Variants in NDUFV3 observed in about 807,000 individuals in gnomAD.
NDUFV3 encodes NADH dehydrogenase [ubiquinone] flavoprotein 3, mitochondrial.
NDUFV3 carries 44 observed loss-of-function variants against 37.5 expected under a neutral mutation model. That is an observed-to-expected ratio of 1.17 (90% CI 0.92 to 1.51). The LOEUF is 1.51. Ranked by LOEUF, NDUFV3 falls within the 40% of genes most tolerant of loss-of-function variation. The pLI is 0.00. For missense variants in NDUFV3, 580 were observed against 580.4 expected, an observed-to-expected ratio of 1.00 and a Z score of 0.01; for synonymous variants, 235 against 239.3, an observed-to-expected ratio of 0.98 and a Z score of 0.17.
chr21:42,893,778 A>G lies in NDUFV3; in HGVS notation c.48+397A>G, dbSNP rs149503165. ...TTCTCTGAAGGACAGTGACTTCTCCATTTAGCCAAGAGAGGAAATGAGGGA... is the reference window on the plus strand; with the variant it reads ...TTCTCTGAAGGACAGTGACTTCTCCGTTTAGCCAAGAGAGGAAATGAGGGA... On this transcript the variant is annotated intron_variant, in intron 1 of 3. Coordinates refer to ENST00000354250, the MANE Select transcript of NDUFV3 (RefSeq NM_021075.4). Among the ~76,000 whole-genome samples, 463 of 152,374 alleles carry G rather than the reference A, an allele frequency of 3.0e-3. 7 individuals are homozygous for G. The highest frequency in any genetic ancestry group is 0.02 in the Middle Eastern group (6 of 294).
chr21:42,894,510 T>TTATATA (rs1568854374), intron 1 of NDUFV3, among the ~76,000 whole-genome samples: 2 of 63,872 alleles, frequency 3.1e-5, no homozygotes, highest in South Asian at 6.0e-4. Context: ...ATAATATATA[T>TTATATA]TTATATATTA....
rs2058759595 is a variant in NDUFV3 at position 42,909,477 on chromosome 21, A to C, written c.*456A>C. On this transcript the variant is annotated 3_prime_UTR_variant, in exon 4 of 4. Coordinates refer to ENST00000354250, the MANE Select transcript of NDUFV3 (RefSeq NM_021075.4). ...TTTTTACAGTGAGTGGTGAATTAGC[A>C]ACAGTAACACTGATTATCCAACATA... 8.2e-6 allele frequency: 2 copies of C among 242,962 alleles called. No homozygotes were observed. The highest frequency in any genetic ancestry group is 1.0e-4 in the Admixed American group (2 of 19,360). The allele number at this position is 242,962 out of a possible 1,614,324, so 15.1% of individuals were successfully genotyped here.
rs756027987 is a variant in NDUFV3, at chr21:42,897,033, A to G, written c.155A>G (p.Gln52Arg). 10 of 1,614,002 alleles carry G rather than the reference A, an allele frequency of 6.2e-6. No individual in the cohort carries two copies. The South Asian group carries it at 7.7e-5, about 12-fold the overall frequency. The part of the protein sequence containing the change: ...EKGQPQNSKK[Q>R]SPPKNVVEPK... ...GGTCAGCCACAGAATTCCAAGAAGC[A>G]AAGTCCACCAAAAAGTAAGATTTTG... Residue 52 changes from glutamine (Q) to arginine (R), a missense_variant, in exon 2 of 4, where the codon CAA (glutamine) becomes CGA (arginine). Physicochemically the swap from Gln to Arg is conservative, Grantham distance 43. Transcript: ENST00000354250.
chr21:42,905,423 C>G (rs1184064322), intron 3 of NDUFV3, among the ~76,000 whole-genome samples: 1 of 152,222 alleles, frequency 6.6e-6, no homozygotes, highest in South Asian at 2.1e-4. Flanking sequence ...ATCCTTTCCC[C>G]TGGACAGCGT....
intron 3 of NDUFV3, among the ~76,000 whole-genome samples, chr21:42,908,048 T>C (rs546842533): frequency 5.8e-4 from 89 of 152,166 alleles, no homozygotes; most frequent in African/African-American, 1.9e-3. Flanking sequence ...GGCTCACGCC[T>C]GTAATCCCAG....
intron 3 of NDUFV3, among the ~76,000 whole-genome samples, chr21:42,905,232 T>C (rs2058736128): frequency 6.6e-6 from 1 of 152,214 alleles, no homozygotes; most frequent in African/African-American, 2.4e-5. Context: ...GTGGGGCATC[T>C]CGCTAAGTGA....
chr21:42,900,105 G>A (rs1011078794), intron 2 of NDUFV3, among the ~76,000 whole-genome samples: 13 of 151,126 alleles, frequency 8.6e-5, no homozygotes, highest in East Asian at 3.9e-4. Flanking sequence ...AGGCTGAGAC[G>A]AGAGGATCAT....
At position 42,909,035 on chromosome 21, in the gene NDUFV3, G is replaced by A. The variant is rs749834159; in HGVS notation, c.*14G>A. On this transcript the variant is annotated 3_prime_UTR_variant, in exon 4 of 4. Transcript: ENST00000354250. ...CCTCGACACTGAGGGCCCTCGGTGTGAAGATGAACCTTCCACCGTCTTCAC... is the reference window on the plus strand; with the variant it reads ...CCTCGACACTGAGGGCCCTCGGTGTAAAGATGAACCTTCCACCGTCTTCAC... 3.1e-6 allele frequency: 5 copies of A among 1,610,858 alleles called. No homozygotes were observed. The South Asian group carries it at 4.4e-5, about 14-fold the overall frequency.
chr21:42,908,767 G>GTC (rs1211336334), intron 3 of NDUFV3, 97 bp from the exon 4 acceptor site: 1 of 1,436,330 alleles, frequency 7.0e-7, no homozygotes, highest in Admixed American at 1.7e-5. Context: ...TAGGGATGAT[G>GTC]AAGAATGCTT....
Position 42,904,115 on chromosome 21 carries a change from A to G in NDUFV3, c.1103A>G (p.Gln368Arg). 1 of 1,614,250 alleles carries G rather than the reference A, an allele frequency of 6.2e-7. No homozygotes were observed. The highest frequency in any genetic ancestry group is 8.5e-7 in the Non-Finnish European group (1 of 1,180,038). ...QGIEGHLKGG[Q>R]AIVEDQIPPS... is the part of the protein sequence containing the mutation. ...ATAGAAGGCCACCTGAAGGGTGGAC[A>G]GGCAATCGTGGAAGATCAGATACCA... Residue 368 changes from glutamine to arginine, a missense_variant, in exon 3 of 4, where the codon CAG becomes CGG. Coordinates refer to ENST00000354250, the MANE Select transcript of NDUFV3 (RefSeq NM_021075.4).
In NDUFV3 at chr21:42,903,727, G is replaced by A. The variant is rs2058728767; in HGVS notation, c.715G>A (p.Gly239Ser). ...AGGGTCCCCTGCTAAGCCATCAGAAGGCAGGGAAAATGCGAGACCAAAAAC... is the reference window on the plus strand; with the variant it reads ...AGGGTCCCCTGCTAAGCCATCAGAAAGCAGGGAAAATGCGAGACCAAAAAC... The part of the protein sequence containing the change: ...KKGSPAKPSE[G>S]RENARPKTTM... The change falls in exon 3 of 4, where the codon GGC becomes AGC. Residue 239 changes from glycine to serine, a missense_variant. Transcript: ENST00000354250. 1 of 1,614,156 alleles carries A rather than the reference G, an allele frequency of 6.2e-7. No individual in the cohort carries two copies. The highest frequency in any genetic ancestry group is 1.3e-5 in the African/African-American group (1 of 75,060).
chr21:42,908,073 G>A (rs1179416440), intron 3 of NDUFV3, among the ~76,000 whole-genome samples: 2 of 151,912 alleles, frequency 1.3e-5, no homozygotes, highest in African/African-American at 4.8e-5. Context: ...TTGGGAGGTC[G>A]AGGCGGGCAG....
chr21:42,910,082 T>G lies in NDUFV3; in HGVS notation c.*1061T>G, dbSNP rs1448817204. ...GGATAATTCCTGTAATCCCAGCGCT[T>G]TGGGAGGGCGAGGCGGGTGGAGCAC... On this transcript the variant is annotated 3_prime_UTR_variant, in exon 4 of 4. Transcript: ENST00000354250. 1 of 151,972 alleles carries G rather than the reference T, an allele frequency of 6.6e-6. No homozygotes were observed. Among genetic ancestry groups the G allele is most frequent in the Non-Finnish European group, 1.5e-5 (1 of 68,028 alleles). 9.4% of individuals were successfully genotyped at this position (151,972 alleles called of 1,614,324 possible). A position where few individuals can be genotyped will look rare whatever the true frequency, so the allele number is the denominator to read the frequency against.
At chr21:42,899,564 C>T (rs562453015) in intron 2 of NDUFV3, among the ~76,000 whole-genome samples, 109 of 152,332 alleles carry the variant, frequency 7.2e-4, no homozygotes, top group Middle Eastern at 3.4e-3. Flanking sequence ...CCTGCCCCAT[C>T]CTCCCGAATA....
chr21:42,903,763 A>G lies in NDUFV3; in HGVS notation c.751A>G (p.Arg251Gly), dbSNP rs2058729059. The G allele has an allele frequency of 6.2e-7, 1 of 1,614,236 alleles. No individual in the cohort carries two copies. The highest frequency in any genetic ancestry group is 8.5e-7 in the Non-Finnish European group (1 of 1,180,048). Residue 251 changes from arginine (R) to glycine (G), a missense_variant, in exon 3 of 4, where the codon AGA becomes GGA. Physicochemically the swap from Arg to Gly is moderately radical, Grantham distance 125. Coordinates refer to ENST00000354250, the MANE Select transcript of NDUFV3 (RefSeq NM_021075.4). The part of the protein sequence containing the change: ...ENARPKTTMP[R>G]SQVDEEFLKQ... The stretch of plus-strand genomic sequence containing the variant: ...TGCGAGACCAAAAACCACAATGCCC[A>G]GATCTCAAGTAGATGAAGAGTTTTT...
chr21:42,902,094 G>A lies in NDUFV3; in HGVS notation c.170-1088G>A, dbSNP rs371982190. Among the ~76,000 whole-genome samples, 22 of 152,266 alleles carry A rather than the reference G, an allele frequency of 1.4e-4. 1 individual carries two copies. In the South Asian group the frequency reaches 2.1e-3, roughly 14 times the overall value. On this transcript the variant is annotated intron_variant, in intron 2 of 3. Coordinates refer to ENST00000354250, the MANE Select transcript of NDUFV3 (RefSeq NM_021075.4). ...GTGGTGGCGCATGCCTGTAATCCCA[G>A]CTATTCGGGAGGCTGAGGCAGCAGA...
In NDUFV3 at chr21:42,893,367, G is replaced by A. The variant is rs1254411899; in HGVS notation, c.34G>A (p.Ala12Thr). 1 of 1,537,988 alleles carries A rather than the reference G, an allele frequency of 6.5e-7. No homozygotes were observed. The highest frequency in any genetic ancestry group is 8.7e-7 in the Non-Finnish European group (1 of 1,146,400). ...CCCGTGTTTGCTGCGGCAAGGACGA[G>A]CCGGGGCGCTGAAGGTAAAGGAGGA... is the stretch of plus-strand genomic sequence containing the variant. Reference protein sequence around the residue: ...AAPCLLRQGRAGALKTMLQEA... With the variant: ...AAPCLLRQGRTGALKTMLQEA... Residue 12 changes from alanine to threonine, a missense_variant, in exon 1 of 4, where the codon GCC (alanine) becomes ACC (threonine). Coordinates refer to ENST00000354250, the MANE Select transcript of NDUFV3 (RefSeq NM_021075.4).
chr21:42,893,889 A>G (rs2058669547), intron 1 of NDUFV3, among the ~76,000 whole-genome samples: 1 of 152,224 alleles, frequency 6.6e-6, no homozygotes, highest in Admixed American at 6.5e-5. Context: ...AAAGGAGAAG[A>G]AGGGCTTTCT....
intron 3 of NDUFV3, among the ~76,000 whole-genome samples, chr21:42,907,694 G>C (rs910217238): frequency 6.6e-6 from 1 of 151,896 alleles, no homozygotes; most frequent in African/African-American, 2.4e-5. Context: ...CAAGCAATCT[G>C]CCCGCCTCAG....
Sources: gnomAD v4.1 joint callset for allele counts (sites outside exome capture counted in the v4.1 genomes callset) on GRCh38, gnomAD v4.1.1 for gene constraint, MANE v1.5 for transcripts, NCBI Gene and HGNC (gene_info 2026-07-23, HGNC 2026-07-21) for gene names.